Variants in NRXN1 observed in about 807,000 individuals in gnomAD.
The protein encoded by NRXN1 is neurexin 1.
NRXN1 carries 39 observed loss-of-function variants against 150.9 expected under a neutral mutation model. That is an observed-to-expected ratio of 0.26 (90% CI 0.20 to 0.34). NRXN1 has a LOEUF of 0.34. Ranked by LOEUF, NRXN1 falls within the 10% of genes least tolerant of loss-of-function variation. The pLI is 1.00. For missense variants in NRXN1, 1,815 were observed against 1,949.9 expected (o/e 0.93, Z 1.30); for synonymous variants, 924 against 757.0 (o/e 1.22, Z -3.62).
At chr2:50,450,691 A>G (rs1025217386) in intron 17 of NRXN1, among the ~76,000 whole-genome samples, 1 of 152,180 alleles carries the variant, frequency 6.6e-6, no homozygotes, top group African/African-American at 2.4e-5. Flanking sequence ...AAGTGAAACG[A>G]TGCTTTCACG....
chr2:50,723,049 T>A (rs1223204262), intron 5 of NRXN1, among the ~76,000 whole-genome samples: 1 of 152,106 alleles, frequency 6.6e-6, no homozygotes, highest in African/African-American at 2.4e-5. Flanking sequence ...ATTCAGTTAG[T>A]AGATGTTTCT....
intron 22 of NRXN1, among the ~76,000 whole-genome samples, chr2:49,927,390 G>T (rs940858220): frequency 6.6e-6 from 1 of 152,162 alleles, no homozygotes; most frequent in African/African-American, 2.4e-5. Flanking sequence ...ATTAAACTTT[G>T]CATTGTATTT....
chr2:50,141,578 G>A (rs1427692371), intron 18 of NRXN1, among the ~76,000 whole-genome samples: 1 of 151,926 alleles, frequency 6.6e-6, no homozygotes, highest in Non-Finnish European at 1.5e-5. Flanking sequence ...CTAATATCCA[G>A]AATAAACAAG....
At chr2:50,418,662 C>G (rs2083738090) in intron 17 of NRXN1, among the ~76,000 whole-genome samples, 1 of 151,968 alleles carries the variant, frequency 6.6e-6, no homozygotes, top group African/African-American at 2.4e-5. Context: ...GGAGAACTCC[C>G]TTGGTATTGA....
chr2:50,769,575 T>C (rs1268313108), intron 5 of NRXN1, among the ~76,000 whole-genome samples: 1 of 152,062 alleles, frequency 6.6e-6, no homozygotes, highest in Non-Finnish European at 1.5e-5. Flanking sequence ...AATGAGATTC[T>C]AGGTTTAGAG....
At chr2:49,953,580 G>A (rs909399787) in intron 21 of NRXN1, among the ~76,000 whole-genome samples, 9 of 151,916 alleles carry the variant, frequency 5.9e-5, no homozygotes, top group Non-Finnish European at 1.0e-4. Flanking sequence ...CAGAATTCAA[G>A]TCTCACTTTT....
chr2:50,867,895 T>A lies in NRXN1; in HGVS notation c.832+53974A>T, dbSNP rs564344898. Among the ~76,000 whole-genome samples, 30 of 151,652 alleles carry A rather than the reference T, an allele frequency of 2.0e-4. No individual in the cohort carries two copies. In the East Asian group the frequency reaches 2.3e-3, roughly 12 times the overall value. On this transcript the variant is annotated intron_variant, in intron 5 of 22. Coordinates refer to ENST00000401669, the MANE Select transcript of NRXN1 (RefSeq NM_001330078.2). ...CATATCCTAAATCTCCAGGAAAAAA[T>A]TTTTTTCACTGTAGAACAAGATGCA... is the stretch of plus-strand genomic sequence containing the variant.
chr2:50,438,842 T>A (rs542623262), intron 17 of NRXN1, among the ~76,000 whole-genome samples: 1 of 152,334 alleles, frequency 6.6e-6, no homozygotes, highest in Admixed American at 6.5e-5. Flanking sequence ...AGGAAAAATA[T>A]AGAAAATATT....
At chr2:50,033,728 G>T (rs1689541136) in intron 21 of NRXN1, among the ~76,000 whole-genome samples, 1 of 151,634 alleles carries the variant, frequency 6.6e-6, no homozygotes, top group Admixed American at 6.6e-5. Flanking sequence ...AAACTACGCA[G>T]CTGACAAAGG....
At chr2:50,123,114 G>A (rs1704093357) in intron 18 of NRXN1, among the ~76,000 whole-genome samples, 1 of 152,092 alleles carries the variant, frequency 6.6e-6, no homozygotes, top group Non-Finnish European at 1.5e-5. Context: ...TTTTCTAAAT[G>A]CCAGGGATAC....
intron 2 of NRXN1, among the ~76,000 whole-genome samples, chr2:50,977,381 A>C (rs2104843034): frequency 6.6e-6 from 1 of 152,084 alleles, no homozygotes; most frequent in Admixed American, 6.6e-5. Flanking sequence ...TTATATACAT[A>C]ATTTTACATA....
At chr2:50,301,638 C>A (rs2074160582) in intron 17 of NRXN1, among the ~76,000 whole-genome samples, 1 of 152,072 alleles carries the variant, frequency 6.6e-6, no homozygotes, top group Non-Finnish European at 1.5e-5. Context: ...ACCCTGCAAC[C>A]TTTTATGTAG....
chr2:50,595,062 T>C (rs1674935828), intron 8 of NRXN1, among the ~76,000 whole-genome samples: 1 of 150,288 alleles, frequency 6.7e-6, no homozygotes, highest in Non-Finnish European at 1.5e-5. Context: ...TATCTGCACA[T>C]CCAGATTGGG....
intron 5 of NRXN1, among the ~76,000 whole-genome samples, chr2:50,670,670 AT>A (rs779045264): frequency 5.9e-5 from 9 of 151,922 alleles, no homozygotes; most frequent in Non-Finnish European, 1.3e-4. Flanking sequence ...CGTACCTCAC[AT>A]TTAGTTGTCC....
intron 18 of NRXN1, among the ~76,000 whole-genome samples, chr2:50,214,552 C>A (rs1041837946): frequency 1.1e-4 from 16 of 151,732 alleles, no homozygotes; most frequent in African/African-American, 3.9e-4. Flanking sequence ...CCAGCAGGCA[C>A]AGAAAAAAAT....
chr2:51,003,661 C>G (rs999051970), intron 2 of NRXN1, among the ~76,000 whole-genome samples: 2 of 151,936 alleles, frequency 1.3e-5, no homozygotes, highest in Non-Finnish European at 2.9e-5. Context: ...TTATTTGCCT[C>G]TGACTCCTGG....
chr2:50,187,918 T>C (rs2061193312), intron 18 of NRXN1, among the ~76,000 whole-genome samples: 1 of 152,166 alleles, frequency 6.6e-6, no homozygotes, highest in Non-Finnish European at 1.5e-5. Context: ...CTTGTGATTT[T>C]TGCACATTGA....
At chr2:50,325,013 C>G (rs1278187807) in intron 17 of NRXN1, among the ~76,000 whole-genome samples, 2 of 152,154 alleles carry the variant, frequency 1.3e-5, no homozygotes, top group Admixed American at 6.5e-5. Context: ...GTTTAAAAAT[C>G]TAGCAGAACA....
At position 50,540,826 on chromosome 2, in the gene NRXN1, T is replaced by A. The variant is rs116936260; in HGVS notation, c.1760-2190A>T. 1.8e-3 allele frequency among the ~76,000 whole-genome samples: 268 copies of A among 152,152 alleles called. 6 individuals are homozygous for A. In the East Asian group the frequency reaches 0.047, roughly 27 times the overall value. On this transcript the variant is annotated intron_variant, in intron 9 of 22. Coordinates refer to ENST00000401669, the MANE Select transcript of NRXN1 (RefSeq NM_001330078.2). ...ACAGGTGTACGCCATCACAGCCAAC[T>A]AATTTTTGTATTTTCAGTAGAGATG...
Sources: allele counts gnomAD v4.1 joint callset (sites outside exome capture counted in the v4.1 genomes callset), GRCh38; gene constraint gnomAD v4.1.1; transcripts MANE v1.5; gene names NCBI Gene and HGNC (gene_info 2026-07-23, HGNC 2026-07-21).